The following COX20 variants were observed in gnomAD, a reference collection of about 807,000 sequenced individuals.
The protein encoded by COX20 is cytochrome c oxidase assembly factor COX20.
Under a neutral mutation model 14.3 loss-of-function variants are expected in COX20, and 14 were observed. That is an observed-to-expected ratio of 0.98 (90% CI 0.65 to 1.53). COX20 has a LOEUF of 1.53. Ranked by LOEUF, COX20 falls within the 40% of genes most tolerant of loss-of-function variation. The pLI is 0.00. For synonymous variants in COX20, 56 were observed against 51.7 expected, an observed-to-expected ratio of 1.08 and a Z score of -0.36; for missense variants, 149 against 142.1, an observed-to-expected ratio of 1.05 and a Z score of -0.25.
chr1:244,840,363 C>T (rs1303471569), intron 1 of COX20: 1 of 152,268 alleles, frequency 6.6e-6, no homozygotes, highest in Non-Finnish European at 1.5e-5. Context: ...TACTAATCCT[C>T]TGGCCCCAGC....
At position 244,835,775 on chromosome 1, in the gene COX20, G is replaced by A. The variant is rs2102967969; in HGVS notation, c.42+19G>A. 8.0e-7 allele frequency: 1 copy of A among 1,251,144 alleles called. No homozygotes were observed. The highest frequency in any genetic ancestry group is 1.0e-6 in the Non-Finnish European group (1 of 996,032). 77.5% of individuals were successfully genotyped at this position (1,251,144 alleles called of 1,614,324 possible). ...GAGGAAGGTAACCTGGGGGTCGGCG[G>A]GGCGCGCGCCGCGGGTGGGCGGTGG... On this transcript the variant is annotated intron_variant, in intron 1 of 3. Transcript: ENST00000411948.
rs560330031 is a variant in COX20 at position 244,842,901 on chromosome 1, G to A, written c.222-140G>A. On this transcript the variant is annotated intron_variant, in intron 3 of 3. Coordinates refer to ENST00000411948, the MANE Select transcript of COX20 (RefSeq NM_198076.6). ...CTGACACCAAAACTGCCCAAAAATAGCACTATAAATTAGAACATATTTTTC... is the reference window on the plus strand; with the variant it reads ...CTGACACCAAAACTGCCCAAAAATAACACTATAAATTAGAACATATTTTTC... The A allele has an allele frequency of 3.9e-5, 24 of 609,700 alleles. No individual in the cohort carries two copies. The African/African-American group carries it at 4.8e-4, about 12-fold the overall frequency. 37.8% of individuals were successfully genotyped at this position (609,700 alleles called of 1,614,324 possible).
chr1:244,838,879 G>A (rs1423506396), intron 1 of COX20, among the ~76,000 whole-genome samples: 5 of 152,136 alleles, frequency 3.3e-5, no homozygotes, highest in East Asian at 3.9e-4. Flanking sequence ...TGCAACCTCC[G>A]CCTCCTGGGC....
rs889038831 is a variant in COX20, at chr1:244,843,329, C to G, written c.*153C>G. The G allele has an allele frequency of 2.5e-6, 2 of 805,220 alleles. No homozygotes were observed. The highest frequency in any genetic ancestry group is 3.3e-5 in the Admixed American group (1 of 30,728). 49.9% of individuals were successfully genotyped at this position (805,220 alleles called of 1,614,324 possible). A position where few individuals can be genotyped will look rare whatever the true frequency, so the allele number is the denominator to read the frequency against. On this transcript the variant is annotated 3_prime_UTR_variant, in exon 4 of 4. Transcript: ENST00000411948. ...TGGAATGAAAACTTGCCAGTTTATTCTGGCCCTGTGTCTACTGCCAGGATA... is the reference window on the plus strand; with the variant it reads ...TGGAATGAAAACTTGCCAGTTTATTGTGGCCCTGTGTCTACTGCCAGGATA...
rs1477103215 is a variant in COX20 at position 244,843,141 on chromosome 1, C to T, written c.322C>T (p.Pro108Ser). 1.9e-6 allele frequency: 3 copies of T among 1,593,326 alleles called. No individual in the cohort carries two copies. The East Asian group carries it at 6.8e-5, about 36-fold the overall frequency. Residue 108 changes from proline (P) to serine (S), a missense_variant, in exon 4 of 4, where the codon CCT becomes TCT. Coordinates refer to ENST00000411948, the MANE Select transcript of COX20 (RefSeq NM_198076.6). Reference protein sequence around the residue: ...KILYEGTHLDPERKHNGSSSN With the variant: ...KILYEGTHLDSERKHNGSSSN Reference sequence around the variant, plus strand: ...ATTATATGAAGGTACCCACCTCGATCCTGAAAGAAAACACAACGGCAGCAG... The same window carrying T: ...ATTATATGAAGGTACCCACCTCGATTCTGAAAGAAAACACAACGGCAGCAG...
intron 1 of COX20, among the ~76,000 whole-genome samples, chr1:244,836,333 C>T (rs1452920199): frequency 3.3e-5 from 5 of 152,164 alleles, no homozygotes; most frequent in South Asian, 4.1e-4. Context: ...AGTTTTCATT[C>T]CTCTGCCTAA....
rs1056575671 is a variant in COX20, at chr1:244,844,061, TAAAG to T, written c.*889_*892del. On this transcript the variant is annotated 3_prime_UTR_variant, in exon 4 of 4. Coordinates refer to ENST00000411948, the MANE Select transcript of COX20 (RefSeq NM_198076.6). ...ACAAGCTAGATGCTTAAGAAATGCT[TAAAG>T]AAATATTGGGGCGAAGGTAACAGCA... 1 of 152,174 alleles carries T rather than the reference TAAAG, an allele frequency of 6.6e-6. No homozygotes were observed. Among genetic ancestry groups the T allele is most frequent in the African/African-American group, 2.4e-5 (1 of 41,434 alleles). 9.4% of individuals were successfully genotyped at this position (152,174 alleles called of 1,614,324 possible).
At position 244,838,833 on chromosome 1, in the gene COX20, C is replaced by G. The variant is rs909278092; in HGVS notation, c.42+3077C>G. Among the ~76,000 whole-genome samples the G allele has an allele frequency of 2.0e-5, 3 of 152,078 alleles. No homozygotes were observed. In the East Asian group the frequency reaches 5.8e-4, roughly 29 times the overall value. ...GAGATGGAGTCTTCTTGCTCTGTTG[C>G]CCAGGCTGGAGTGCAGTGGTGCCAT... On this transcript the variant is annotated intron_variant, in intron 1 of 3. Transcript: ENST00000411948.
At chr1:244,842,361 C>A in intron 3 of COX20, 103 bp downstream of exon 3, 1 of 791,212 alleles carries the variant, frequency 1.3e-6, no homozygotes, top group Non-Finnish European at 2.2e-6. Flanking sequence ...GAGATCCTCA[C>A]CCTCAATGAA....
At position 244,835,694 on chromosome 1, in the gene COX20, T is replaced by TGGAGTCGC. The variant is rs1281776230; in HGVS notation, c.-15_-8dup. On this transcript the variant is annotated 5_prime_UTR_variant, in exon 1 of 4. Transcript: ENST00000411948. Reference sequence around the variant, plus strand: ...CGCGACCCCGGCGGTGCAGGGCGGGTGGAGTCGCGGAGTAGTCCTCATGGC... The same window carrying TGGAGTCGC: ...CGCGACCCCGGCGGTGCAGGGCGGGTGGAGTCGCGGAGTCGCGGAGTAGTCCTCATGGC... 1 of 1,250,726 alleles carries TGGAGTCGC rather than the reference T, an allele frequency of 8.0e-7. No individual in the cohort carries two copies. The highest frequency in any genetic ancestry group is 1.6e-5 in the African/African-American group (1 of 64,032). 77.5% of individuals were successfully genotyped at this position (1,250,726 alleles called of 1,614,324 possible).
chr1:244,840,956 C>G (rs990099481), intron 1 of COX20: 1 of 152,166 alleles, frequency 6.6e-6, no homozygotes, highest in African/African-American at 2.4e-5. Flanking sequence ...TAAAAGCAGC[C>G]TTACTGAAAA....
intron 1 of COX20, among the ~76,000 whole-genome samples, chr1:244,837,207 A>G (rs1680018638): frequency 6.6e-6 from 1 of 152,204 alleles, no homozygotes; most frequent in Non-Finnish European, 1.5e-5. Context: ...AGATAGTTAT[A>G]AGCCTCAAAC....
At chr1:244,836,618 A>G in intron 1 of COX20, 1 of 1,106,936 alleles carries the variant, frequency 9.0e-7, no homozygotes, top group Non-Finnish European at 1.3e-6. Context: ...TCAGAAAAGA[A>G]TAATGCAAGA....
chr1:244,835,779 G>A, intron 1 of COX20, 23 bp downstream of exon 1: 1 of 1,249,040 alleles, frequency 8.0e-7, no homozygotes. Context: ...TCGGCGGGGC[G>A]CGCGCCGCGG....
At chr1:244,841,906 C>T in intron 1 of COX20, 38 bp from the exon 2 acceptor site, 1 of 1,298,470 alleles carries the variant, frequency 7.7e-7, no homozygotes, top group Non-Finnish European at 1.1e-6. Context: ...AAATGAAATA[C>T]TTTCTTACTC....
At chr1:244,842,859 A>G in intron 3 of COX20, 182 bp from the exon 4 acceptor site, 1 of 447,096 alleles carries the variant, frequency 2.2e-6, no homozygotes, top group East Asian at 4.0e-5. Flanking sequence ...TAAAAAAAGA[A>G]TGTGTTGATA....
At chr1:244,836,081 GGCTAATAGTAGAGATTAAA>G (rs1342625213) in intron 1 of COX20, among the ~76,000 whole-genome samples, 1 of 152,186 alleles carries the variant, frequency 6.6e-6, no homozygotes, top group Non-Finnish European at 1.5e-5. Flanking sequence ...TGTTAGTAAA[GGCTAATAGTAGAGATTAAA>G]GCTCCGTTGA....
chr1:244,839,875 A>C (rs1680124825), intron 1 of COX20: 1 of 152,198 alleles, frequency 6.6e-6, no homozygotes, highest in African/African-American at 2.4e-5. Flanking sequence ...GCCAACACTT[A>C]TTATTAGCCT....
chr1:244,843,008 A>G (rs1353289672), intron 3 of COX20, 33 bp from the exon 4 acceptor site: 1 of 1,442,566 alleles, frequency 6.9e-7, no homozygotes, highest in African/African-American at 1.5e-5. Flanking sequence ...AGGACTTTAT[A>G]TTAACAATTT....
Sources: gnomAD v4.1 joint callset for allele counts (sites outside exome capture counted in the v4.1 genomes callset) on GRCh38, gnomAD v4.1.1 for gene constraint, MANE v1.5 for transcripts, NCBI Gene and HGNC (gene_info 2026-07-23, HGNC 2026-07-21) for gene names.